The following SEZ6 variants were observed in gnomAD, a reference collection of about 807,000 sequenced individuals.
SEZ6 encodes seizure protein 6 homolog.
A neutral mutation model predicts 101.0 loss-of-function variants in SEZ6; 53 were observed. The observed-to-expected ratio is 0.52, with a 90% CI of 0.42 to 0.66. The LOEUF is 0.66. Ranked by LOEUF, SEZ6 falls within the 30% of genes least tolerant of loss-of-function variation. SEZ6 has a pLI of 0.00. For missense variants in SEZ6, 1,102 were observed against 1,289.4 expected, an observed-to-expected ratio of 0.85 and a Z score of 2.23; for synonymous variants, 488 against 512.2, an observed-to-expected ratio of 0.95 and a Z score of 0.64.
At chr17:28,964,634 T>C (rs1349487505) in intron 4 of SEZ6, among the ~76,000 whole-genome samples, 1 of 152,248 alleles carries the variant, frequency 6.6e-6, no homozygotes, top group Non-Finnish European at 1.5e-5. Flanking sequence ...AAAGTGTTGA[T>C]ACTGTTTTTC....
chr17:28,984,863 G>A (rs963187000), intron 1 of SEZ6, among the ~76,000 whole-genome samples: 1 of 152,198 alleles, frequency 6.6e-6, no homozygotes, highest in African/African-American at 2.4e-5. Context: ...GAATTCAGGG[G>A]TGCAGGGACT....
chr17:28,976,459 C>T (rs1194269544), intron 3 of SEZ6, among the ~76,000 whole-genome samples: 3 of 152,194 alleles, frequency 2.0e-5, no homozygotes, highest in African/African-American at 7.2e-5. Context: ...ACTCTTCTTG[C>T]CCAGACTTTG....
intron 1 of SEZ6, among the ~76,000 whole-genome samples, chr17:28,985,080 G>T (rs1207786015): frequency 6.6e-6 from 1 of 152,164 alleles, no homozygotes; most frequent in Non-Finnish European, 1.5e-5. Context: ...CTGAAGTCTC[G>T]CAGTGACGCA....
chr17:28,973,007 C>T (rs188031840), intron 3 of SEZ6, among the ~76,000 whole-genome samples: 3 of 152,180 alleles, frequency 2.0e-5, no homozygotes, highest in Non-Finnish European at 4.4e-5. Flanking sequence ...CCCCATATAC[C>T]TCTGGCTTGA....
Position 29,005,665 on chromosome 17 carries a change from G to T in SEZ6, c.55+150C>A, listed in dbSNP as rs2041678769. The T allele has an allele frequency of 4.3e-6, 3 of 692,572 alleles. No individual in the cohort carries two copies. The highest frequency in any genetic ancestry group is 5.7e-6 in the Non-Finnish European group (3 of 522,244). The allele number at this position is 692,572 out of a possible 1,614,324, so 42.9% of individuals were successfully genotyped here. A position where few individuals can be genotyped will look rare whatever the true frequency, so the allele number is the denominator to read the frequency against. ...GCCCGCGAAGCCCGCGCCCCGCCCG[G>T]CTTGGCCGGCGCCGGGGGCAGCGCA... On this transcript the variant is annotated intron_variant, in intron 1 of 16. Coordinates refer to ENST00000317338, the MANE Select transcript of SEZ6 (RefSeq NM_178860.5). This position sits in a 1 kb window ranked among gnomAD's most constrained non-coding sequence, Gnocchi z 4.8.
chr17:28,966,739 T>G (rs1012137508), intron 4 of SEZ6, among the ~76,000 whole-genome samples: 6 of 151,256 alleles, frequency 4.0e-5, no homozygotes, highest in African/African-American at 1.2e-4. Flanking sequence ...AAATGGGCCC[T>G]CTTTCTTCCC....
Position 28,958,122 on chromosome 17 carries a change from T to C in SEZ6, c.2127A>G (p.Thr709=), listed in dbSNP as rs1192989419. The change falls in exon 11 of 17, where the codon ACA becomes ACG. Residue 709 remains threonine (T), a synonymous_variant. Coordinates refer to ENST00000317338, the MANE Select transcript of SEZ6 (RefSeq NM_178860.5). ...IHFFEVPRND[T]CPELPEIPNG... ...TGGGGATCTCAGGCAGCTCCGGACA[T>C]GTGTCATTGCGGGGCACCTCTGGGG... 6.3e-7 allele frequency: 1 copy of C among 1,597,444 alleles called. No homozygotes were observed. The highest frequency in any genetic ancestry group is 8.6e-7 in the Non-Finnish European group (1 of 1,166,388).
Position 28,955,834 on chromosome 17 carries a change from G to C in SEZ6, c.*128C>G. 1 of 1,075,150 alleles carries C rather than the reference G, an allele frequency of 9.3e-7. No homozygotes were observed. The highest frequency in any genetic ancestry group is 1.4e-6 in the Non-Finnish European group (1 of 713,232). 66.6% of individuals were successfully genotyped at this position (1,075,150 alleles called of 1,614,324 possible). A position where few individuals can be genotyped will look rare whatever the true frequency, so the allele number is the denominator to read the frequency against. On this transcript the variant is annotated 3_prime_UTR_variant, in exon 17 of 17. Transcript: ENST00000317338. ...GAAGGGCACAACTTCTTGAGGGCTT[G>C]GTGGCATCTCCTCCTAGGTGGTATA...
chr17:28,993,203 C>T (rs2041489575), intron 1 of SEZ6, among the ~76,000 whole-genome samples: 1 of 151,986 alleles, frequency 6.6e-6, no homozygotes, highest in Admixed American at 6.5e-5. Context: ...GTGGCCAGGG[C>T]AGAGTCCTAG....
Position 29,005,696 on chromosome 17 carries a change from C to G in SEZ6, c.55+119G>C, listed in dbSNP as rs1049373362. 3 of 1,009,884 alleles carry G rather than the reference C, an allele frequency of 3.0e-6. No homozygotes were observed. The Admixed American group carries it at 1.0e-4, about 35-fold the overall frequency. 62.6% of individuals were successfully genotyped at this position (1,009,884 alleles called of 1,614,324 possible). A position where few individuals can be genotyped will look rare whatever the true frequency, so the allele number is the denominator to read the frequency against. On this transcript the variant is annotated intron_variant, in intron 1 of 16. Transcript: ENST00000317338. The surrounding 1 kb of genome is among the most constrained non-coding windows in gnomAD (Gnocchi z 4.8). Reference sequence around the variant, plus strand: ...CCGGCGCCGGGGGCAGCGCAGCCGGCGGGGCGCGGTGCTTGGACTGGGCAG... The same window carrying G: ...CCGGCGCCGGGGGCAGCGCAGCCGGGGGGGCGCGGTGCTTGGACTGGGCAG...
At chr17:28,961,097 C>A in intron 5 of SEZ6, 124 bp from the exon 6 acceptor site, 1 of 1,210,754 alleles carries the variant, frequency 8.3e-7, no homozygotes. Flanking sequence ...GCCTCCCTGC[C>A]ATCTTGGCCC....
At position 28,984,623 on chromosome 17, in the gene SEZ6, C is replaced by T. The variant is rs76037123; in HGVS notation, c.56-2584G>A. Among the ~76,000 whole-genome samples the T allele has an allele frequency of 8.9e-3, 1,360 of 152,336 alleles. 20 individuals are homozygous for T. The highest frequency in any genetic ancestry group is 0.031 in the African/African-American group (1,293 of 41,558). ...ATTGTGCTATCTGGGATCGAGATAG[C>T]ATATCAAACGAGCAAGTTGATTCCA... On this transcript the variant is annotated intron_variant, in intron 1 of 16. Transcript: ENST00000317338.
At chr17:28,998,903 C>T (rs73986772) in intron 1 of SEZ6, among the ~76,000 whole-genome samples, 8,534 of 152,222 alleles carry the variant, frequency 0.056, 824 homozygotes, top group African/African-American at 0.19. Flanking sequence ...GCCAGAGTAG[C>T]TGGATCATAT....
chr17:28,964,411 G>A (rs2041031248), intron 4 of SEZ6, among the ~76,000 whole-genome samples: 2 of 152,304 alleles, frequency 1.3e-5, no homozygotes, highest in East Asian at 3.9e-4. Flanking sequence ...ACTTTAGGCA[G>A]GTTATTTAAT....
intron 4 of SEZ6, among the ~76,000 whole-genome samples, chr17:28,966,459 G>T (rs893268968): frequency 6.6e-6 from 1 of 152,180 alleles, no homozygotes; most frequent in East Asian, 1.9e-4. Flanking sequence ...CTCCAGCCTG[G>T]GCGGCAGAGT....
At chr17:28,993,733 C>A (rs947778610) in intron 1 of SEZ6, among the ~76,000 whole-genome samples, 9 of 152,214 alleles carry the variant, frequency 5.9e-5, no homozygotes, top group African/African-American at 2.2e-4. Flanking sequence ...GGTGCCAGGG[C>A]CGGAGAGTAG....
At chr17:28,990,729 C>T (rs1034155771) in intron 1 of SEZ6, among the ~76,000 whole-genome samples, 7 of 151,852 alleles carry the variant, frequency 4.6e-5, no homozygotes, top group Admixed American at 6.6e-5. Context: ...CCCCATCTCC[C>T]GGCTATAAAA....
At chr17:28,965,168 A>G (rs1468943523) in intron 4 of SEZ6, among the ~76,000 whole-genome samples, 2 of 151,818 alleles carry the variant, frequency 1.3e-5, no homozygotes, top group Non-Finnish European at 2.9e-5. Flanking sequence ...CCTGGCCAAC[A>G]TGGAGAAACC....
chr17:29,000,877 C>A (rs546396168), intron 1 of SEZ6, among the ~76,000 whole-genome samples: 1 of 152,126 alleles, frequency 6.6e-6, no homozygotes, highest in Non-Finnish European at 1.5e-5. Context: ...CAATACCCAC[C>A]TGTGCAACTC....
Sources: allele counts gnomAD v4.1 joint callset (sites outside exome capture counted in the v4.1 genomes callset), GRCh38; gene constraint gnomAD v4.1.1; non-coding constraint Gnocchi (gnomAD v3.1); transcripts MANE v1.5; gene names NCBI Gene and HGNC (gene_info 2026-07-23, HGNC 2026-07-21).